Variants in RIPK1 observed in about 807,000 individuals in gnomAD.
The protein encoded by RIPK1 is receptor-interacting serine/threonine-protein kinase 1.
A neutral mutation model predicts 62.4 loss-of-function variants in RIPK1; 27 were observed. The observed-to-expected ratio is 0.43, with a 90% CI of 0.32 to 0.60. The LOEUF (loss-of-function observed/expected upper bound fraction) is 0.60, where lower values mean the gene tolerates loss of function less well. RIPK1 is among the 20% of genes least tolerant of loss of function. The probability of loss-of-function intolerance (pLI) is 0.07; values close to 1 mark genes in which losing one functional copy is unlikely to be tolerated. For synonymous variants in RIPK1, 287 were observed against 303.2 expected (o/e 0.95, Z 0.55); for missense variants, 735 against 831.0 (o/e 0.88, Z 1.42).
rs531702006 is a variant in RIPK1, at chr6:3,072,020, C to T, written c.-61+3359C>T. Among the ~76,000 whole-genome samples, 39 of 152,310 alleles carry T rather than the reference C, an allele frequency of 2.6e-4. No homozygotes were observed. Among genetic ancestry groups the T allele is most frequent in the Non-Finnish European group, 4.4e-4 (30 of 68,022 alleles). ...ATTATTAAACATTCTTTCACAACAT[C>T]GCTTTTGCAAACTGCTAGATATATT... On this transcript the variant is annotated intron_variant, in intron 1 of 10. Coordinates refer to ENST00000259808, the MANE Select transcript of RIPK1 (RefSeq NM_001354930.2). The surrounding 1 kb of genome is among the most constrained non-coding windows in gnomAD (Gnocchi z 5.6).
chr6:3,103,456 C>G (rs926773788), intron 7 of RIPK1, among the ~76,000 whole-genome samples: 2 of 152,008 alleles, frequency 1.3e-5, no homozygotes, highest in Non-Finnish European at 2.9e-5. Flanking sequence ...CACACACCAT[C>G]ATGCCTGGTT....
chr6:3,105,003 C>G lies in RIPK1; in HGVS notation c.1007-479C>G, dbSNP rs1760769348. On this transcript the variant is annotated intron_variant, in intron 8 of 10. Coordinates refer to ENST00000259808, the MANE Select transcript of RIPK1 (RefSeq NM_001354930.2). The surrounding 1 kb of genome is among the most constrained non-coding windows in gnomAD (Gnocchi z 4.5). ...AGCAGCAGGGATTACAGGCATGCAC[C>G]ACCATGCCCGGCTAATTTTTGTATT... Among the ~76,000 whole-genome samples, 1 of 152,144 alleles carries G rather than the reference C, an allele frequency of 6.6e-6. No individual in the cohort carries two copies.
chr6:3,071,200 A>G (rs1481417085), intron 1 of RIPK1, among the ~76,000 whole-genome samples: 3 of 152,236 alleles, frequency 2.0e-5, no homozygotes, highest in Non-Finnish European at 4.4e-5. Flanking sequence ...GTTAGTGGGA[A>G]GAAAGGGGGC....
chr6:3,069,842 C>G (rs1411373565), intron 1 of RIPK1, among the ~76,000 whole-genome samples: 1 of 152,174 alleles, frequency 6.6e-6, no homozygotes, highest in African/African-American at 2.4e-5. Context: ...AAAACCCTGT[C>G]TCTACTAAAA....
At chr6:3,090,294 G>A (rs750611930) in intron 7 of RIPK1, among the ~76,000 whole-genome samples, 8 of 152,006 alleles carry the variant, frequency 5.3e-5, no homozygotes, top group Admixed American at 1.3e-4. Context: ...AGACCACCCC[G>A]CCCCCCTGCC....
intron 1 of RIPK1, among the ~76,000 whole-genome samples, chr6:3,074,710 T>G (rs1482808351): frequency 9.4e-6 from 1 of 105,922 alleles, no homozygotes; most frequent in Non-Finnish European, 2.0e-5. Context: ...GAGTCTCACT[T>G]TGTTGCCCAA....
intron 9 of RIPK1, among the ~76,000 whole-genome samples, chr6:3,108,935 T>C (rs1201003645): frequency 6.6e-6 from 1 of 152,154 alleles, no homozygotes; most frequent in East Asian, 1.9e-4. Flanking sequence ...GGGCCAGGTG[T>C]GCTGACGGAG....
At position 3,113,301 on chromosome 6, in the gene RIPK1, G is replaced by A. The variant is rs1323999651; in HGVS notation, c.1978G>A (p.Asp660Asn). ...GGCGCTCCACCAGTGTTCCAGGATC[G>A]ACCTTCTGAGCAGCTTGATTTACGT... Reference protein sequence around the residue: ...AQALHQCSRIDLLSSLIYVSQ... With the variant: ...AQALHQCSRINLLSSLIYVSQ... Residue 660 changes from aspartate (D) to asparagine (N), a missense_variant, in exon 11 of 11, where the codon GAC becomes AAC. This residue lies in a region of RIPK1 where 64 missense variants were observed against 104.8 expected (regional missense o/e 0.61). Coordinates refer to ENST00000259808, the MANE Select transcript of RIPK1 (RefSeq NM_001354930.2). This position sits in a 1 kb window ranked among gnomAD's most constrained non-coding sequence, Gnocchi z 5.0. 5.6e-6 allele frequency: 9 copies of A among 1,613,992 alleles called. No homozygotes were observed. The highest frequency in any genetic ancestry group is 1.1e-5 in the South Asian group (1 of 91,080).
At chr6:3,101,728 A>C (rs1561770710) in intron 7 of RIPK1, among the ~76,000 whole-genome samples, 1 of 152,206 alleles carries the variant, frequency 6.6e-6, no homozygotes, top group Admixed American at 6.5e-5. Flanking sequence ...ATAATTTTCT[A>C]TGTTTTCTAT....
chr6:3,069,245 C>T (rs983787916), intron 1 of RIPK1, among the ~76,000 whole-genome samples: 18 of 152,206 alleles, frequency 1.2e-4, no homozygotes, highest in African/African-American at 4.3e-4. Flanking sequence ...TTGAAAGGGC[C>T]TTTTACTGTT....
intron 6 of RIPK1, among the ~76,000 whole-genome samples, chr6:3,088,237 C>T (rs1218334217): frequency 6.6e-6 from 1 of 152,212 alleles, no homozygotes; most frequent in African/African-American, 2.4e-5. Context: ...AGAAGTTCAG[C>T]CTCTCGACTC....
intron 1 of RIPK1, among the ~76,000 whole-genome samples, chr6:3,069,977 T>A (rs988631226): frequency 1.8e-4 from 27 of 151,702 alleles, no homozygotes; most frequent in African/African-American, 6.5e-4. Flanking sequence ...CCACTTACAC[T>A]CTATCCTGGG....
At chr6:3,099,767 G>C (rs1487692967) in intron 7 of RIPK1, among the ~76,000 whole-genome samples, 1 of 152,174 alleles carries the variant, frequency 6.6e-6, no homozygotes, top group African/African-American at 2.4e-5. Context: ...GCAGTCTTCT[G>C]CAGTGTTGGT....
chr6:3,110,823 A>G lies in RIPK1; in HGVS notation c.1597A>G (p.Ile533Val). 3 of 1,584,234 alleles carry G rather than the reference A, an allele frequency of 1.9e-6. No individual in the cohort carries two copies. The highest frequency in any genetic ancestry group is 2.6e-6 in the Non-Finnish European group (3 of 1,153,684). The change falls in exon 10 of 11, where the codon ATA becomes GTA. Residue 533 changes from isoleucine to valine, a missense_variant. Coordinates refer to ENST00000259808, the MANE Select transcript of RIPK1 (RefSeq NM_001354930.2). ...PPTDESIKYTIYNSTGIQIGA... is the reference protein window; with the variant it reads ...PPTDESIKYTVYNSTGIQIGA... Reference sequence around the variant, plus strand: ...TGCAGATGAATCTATAAAATATACCATATACAATAGTACTGGCATTCAGAT... The same window carrying G: ...TGCAGATGAATCTATAAAATATACCGTATACAATAGTACTGGCATTCAGAT...
Position 3,072,503 on chromosome 6 carries a change from A to T in RIPK1, c.-61+3842A>T, listed in dbSNP as rs192771357. Among the ~76,000 whole-genome samples, 1 of 152,264 alleles carries T rather than the reference A, an allele frequency of 6.6e-6. No homozygotes were observed. Among genetic ancestry groups the T allele is most frequent in the East Asian group, 1.9e-4 (1 of 5,174 alleles). On this transcript the variant is annotated intron_variant, in intron 1 of 10. Coordinates refer to ENST00000259808, the MANE Select transcript of RIPK1 (RefSeq NM_001354930.2). This position sits in a 1 kb window ranked among gnomAD's most constrained non-coding sequence, Gnocchi z 5.6. ...TTCTGTTAGGAGTGTGCCGTAATTC[A>T]TTTAACAATATTTTTATTTTTATTT... is the stretch of plus-strand genomic sequence containing the variant.
At chr6:3,067,597 G>A (rs879562935), upstream of RIPK1, among the ~76,000 whole-genome samples, 49 of 110,058 alleles carry the variant, frequency 4.5e-4, no homozygotes, top group Non-Finnish European at 9.3e-4. Flanking sequence ...ATTTTAAGAG[G>A]GTTTTTTTTG....
intron 1 of RIPK1, among the ~76,000 whole-genome samples, chr6:3,074,262 G>A (rs1758933412): frequency 6.6e-6 from 1 of 152,158 alleles, no homozygotes; most frequent in Non-Finnish European, 1.5e-5. Context: ...TTTGACTTCT[G>A]AACCGTCATA....
rs943094926 is a variant in RIPK1, at chr6:3,076,705, T to C, written c.-60-59T>C. 1.4e-3 allele frequency: 434 copies of C among 318,560 alleles called. 22 individuals carry two copies. The highest frequency in any genetic ancestry group is 6.6e-3 in the African/African-American group (260 of 39,356). The allele number at this position is 318,560 out of a possible 1,614,324, so 19.7% of individuals were successfully genotyped here. On this transcript the variant is annotated intron_variant, in intron 1 of 10. Coordinates refer to ENST00000259808, the MANE Select transcript of RIPK1 (RefSeq NM_001354930.2). ...CAAAGGAGAAAAAAAAAAACATATATATATATATATATATATATATAGTCT... is the reference window on the plus strand; with the variant it reads ...CAAAGGAGAAAAAAAAAAACATATACATATATATATATATATATATAGTCT...
rs966001293 is a variant in RIPK1 at position 3,105,278 on chromosome 6, A to G, written c.1007-204A>G. Among the ~76,000 whole-genome samples the G allele has an allele frequency of 6.6e-6, 1 of 152,088 alleles. No homozygotes were observed. The highest frequency in any genetic ancestry group is 2.4e-5 in the African/African-American group (1 of 41,402). On this transcript the variant is annotated intron_variant, in intron 8 of 10. Transcript: ENST00000259808. This position sits in a 1 kb window ranked among gnomAD's most constrained non-coding sequence, Gnocchi z 4.5. ...TTCTCTTGCTTGCTATAATTTTCCT[A>G]GTACTCTCTTACTGCCAGCGAGGAG... is the stretch of plus-strand genomic sequence containing the variant.
Sources: gnomAD v4.1 joint callset for allele counts (sites outside exome capture counted in the v4.1 genomes callset) on GRCh38, gnomAD v4.1.1 for gene constraint, gnomAD v4.1.1 regional missense constraint, Gnocchi (gnomAD v3.1) non-coding constraint, MANE v1.5 for transcripts, NCBI Gene and HGNC (gene_info 2026-07-23, HGNC 2026-07-21) for gene names.